PPP2R5E: variants seen among roughly 807,000 people sequenced by gnomAD.
The protein encoded by PPP2R5E is protein phosphatase 2 regulatory subunit B'epsilon, also known as serine/threonine-protein phosphatase 2A 56 kDa regulatory subunit epsilon isoform.
PPP2R5E carries 4 observed loss-of-function variants against 65.3 expected under a neutral mutation model. The ratio of observed to expected loss-of-function variants is 0.06; its 90% CI spans 0.03 to 0.14. The LOEUF (loss-of-function observed/expected upper bound fraction) is 0.14. PPP2R5E is among the 10% of genes least tolerant of loss of function. The pLI, the probability that PPP2R5E is intolerant of heterozygous loss-of-function variation, is 1.00. For missense variants in PPP2R5E, 274 were observed against 556.1 expected (o/e 0.49, Z 5.10); for synonymous variants, 183 against 187.4 (o/e 0.98, Z 0.19).
At chr14:63,382,867 T>C (rs570567507) in intron 12 of PPP2R5E, among the ~76,000 whole-genome samples, 27 of 152,304 alleles carry the variant, frequency 1.8e-4, no homozygotes, top group Non-Finnish European at 1.9e-4. Context: ...ATTTTCTAAA[T>C]AACACATAAT....
intron 5 of PPP2R5E, 50 bp downstream of exon 5, chr14:63,415,090 T>G (rs1886624030): frequency 1.5e-6 from 2 of 1,326,582 alleles, no homozygotes; most frequent in East Asian, 4.7e-5. Context: ...GAAAATGAGA[T>G]AAAGTGTTAA....
At chr14:63,436,385 T>A (rs188947731) in intron 3 of PPP2R5E, among the ~76,000 whole-genome samples, 14 of 152,302 alleles carry the variant, frequency 9.2e-5, no homozygotes, top group Non-Finnish European at 2.9e-5. Context: ...TGTTATTAAT[T>A]GAAATCACAA....
chr14:63,393,426 G>C lies in PPP2R5E; in HGVS notation c.849+394C>G, dbSNP rs181740452. Among the ~76,000 whole-genome samples, 161 of 152,188 alleles carry C rather than the reference G, an allele frequency of 1.1e-3. 2 individuals carry two copies. The Middle Eastern group carries it at 0.041, about 39-fold the overall frequency. On this transcript the variant is annotated intron_variant, in intron 8 of 13. Transcript: ENST00000337537. ...GTCTCTTTCCTTTGGGAATGAAGGC[G>C]ATAGGCCCGGCGCCGTGGCTCACAC...
At chr14:63,539,779 C>A in intron 1 of PPP2R5E, 87 bp from the exon 2 acceptor site, 2 of 1,324,148 alleles carry the variant, frequency 1.5e-6, no homozygotes, top group South Asian at 2.9e-5. Context: ...TTCCCATATA[C>A]AATATTCATG....
chr14:63,387,870 G>A (rs1169302059), intron 11 of PPP2R5E, among the ~76,000 whole-genome samples: 1 of 152,188 alleles, frequency 6.6e-6, no homozygotes, highest in Non-Finnish European at 1.5e-5. Flanking sequence ...CTCTCTGTAT[G>A]CACATGCCAG....
At chr14:63,424,450 C>A in intron 3 of PPP2R5E, among the ~76,000 whole-genome samples, 1 of 152,078 alleles carries the variant, frequency 6.6e-6, no homozygotes, top group African/African-American at 2.4e-5. Flanking sequence ...AAGGAGTAAA[C>A]AAAAAGAAGA....
intron 11 of PPP2R5E, among the ~76,000 whole-genome samples, chr14:63,387,837 A>T (rs1884762663): frequency 6.6e-6 from 1 of 152,180 alleles, no homozygotes; most frequent in Non-Finnish European, 1.5e-5. Flanking sequence ...CCTTATAAGA[A>T]GAGGAAGAGA....
intron 2 of PPP2R5E, among the ~76,000 whole-genome samples, chr14:63,525,477 C>T (rs1006060187): frequency 1.3e-5 from 2 of 152,210 alleles, no homozygotes; most frequent in Middle Eastern, 3.2e-3. Flanking sequence ...AACCTCTAGT[C>T]ATGAGAGCTC....
At chr14:63,419,680 T>C (rs74060081) in intron 4 of PPP2R5E, among the ~76,000 whole-genome samples, 1 of 152,188 alleles carries the variant, frequency 6.6e-6, no homozygotes, top group East Asian at 1.9e-4. Flanking sequence ...AACTTTACTA[T>C]GAATGAAGGT....
At chr14:63,414,225 T>TTA (rs969519605) in intron 5 of PPP2R5E, among the ~76,000 whole-genome samples, 1 of 152,130 alleles carries the variant, frequency 6.6e-6, no homozygotes, top group African/African-American at 2.4e-5. Context: ...ATCACAAAGG[T>TTA]TATCAGCCCC....
intron 2 of PPP2R5E, among the ~76,000 whole-genome samples, chr14:63,524,452 G>A (rs759840208): frequency 1.3e-5 from 2 of 152,148 alleles, no homozygotes; most frequent in Non-Finnish European, 2.9e-5. Context: ...CATGAATCTC[G>A]TTTTACCAAA....
chr14:63,445,595 A>C (rs557825755), intron 3 of PPP2R5E, among the ~76,000 whole-genome samples: 1 of 152,310 alleles, frequency 6.6e-6, no homozygotes, highest in South Asian at 2.1e-4. Flanking sequence ...CTGTAATCCC[A>C]GCACTTTGGG....
chr14:63,497,690 G>A (rs1891643556), intron 2 of PPP2R5E, among the ~76,000 whole-genome samples: 2 of 152,028 alleles, frequency 1.3e-5, no homozygotes, highest in African/African-American at 4.8e-5. Context: ...AGAGGTTGCA[G>A]TGAGCCAAGA....
At chr14:63,520,376 C>T (rs1013676576) in intron 2 of PPP2R5E, among the ~76,000 whole-genome samples, 3 of 152,236 alleles carry the variant, frequency 2.0e-5, no homozygotes, top group African/African-American at 2.4e-5. Flanking sequence ...CTTCTTCTCT[C>T]AGCATAATCG....
intron 5 of PPP2R5E, among the ~76,000 whole-genome samples, chr14:63,408,962 T>C (rs1029140138): frequency 2.6e-5 from 4 of 152,056 alleles, no homozygotes; most frequent in African/African-American, 9.7e-5. Context: ...CCGGGCTTGG[T>C]GGCTCATGCC....
chr14:63,507,476 C>T (rs1468924023), intron 2 of PPP2R5E, among the ~76,000 whole-genome samples: 3 of 138,120 alleles, frequency 2.2e-5, no homozygotes, highest in Admixed American at 7.4e-5. Flanking sequence ...GCGTTTAGAA[C>T]GAAAAGAAAC....
intron 2 of PPP2R5E, among the ~76,000 whole-genome samples, chr14:63,514,013 T>C (rs964954): frequency 0.41 from 62,502 of 152,080 alleles, 16,287 homozygotes; most frequent in African/African-American, 0.75. Flanking sequence ...CTGCAAAGTG[T>C]CAGGTTAATG....
At chr14:63,400,911 C>A (rs2139816920) in intron 5 of PPP2R5E, among the ~76,000 whole-genome samples, 1 of 152,258 alleles carries the variant, frequency 6.6e-6, no homozygotes, top group Admixed American at 6.5e-5. Context: ...TTGTAACCAA[C>A]ATAAGAGAAG....
rs897859387 is a variant in PPP2R5E, at chr14:63,514,500, T to TA, written c.157+25028dup. Among the ~76,000 whole-genome samples the TA allele has an allele frequency of 2.1e-3, 297 of 144,504 alleles. 2 individuals carry two copies. The highest frequency in any genetic ancestry group is 6.5e-3 in the African/African-American group (255 of 39,436). 94.8% of individuals were successfully genotyped at this position (144,504 alleles called of 152,430 possible). On this transcript the variant is annotated intron_variant, in intron 2 of 13. Transcript: ENST00000337537. ...TACATTACACAAAAACTCTCTTCAT[T>TA]AAAAAAAAAAGAGAGAGAGAGACTC...
Sources: gnomAD v4.1 joint callset for allele counts (sites outside exome capture counted in the v4.1 genomes callset) on GRCh38, gnomAD v4.1.1 for gene constraint, MANE v1.5 for transcripts, NCBI Gene and HGNC (gene_info 2026-07-23, HGNC 2026-07-21) for gene names.